Variants in ADCY8 observed in about 807,000 individuals in gnomAD.
ADCY8 encodes adenylate cyclase 8, also known as adenylate cyclase type 8.
In ADCY8, 51 loss-of-function variants were observed where a neutral mutation model predicts 119.7. That is an observed-to-expected ratio of 0.43 (90% confidence interval 0.34 to 0.54). The LOEUF is 0.54. Among genes scored for constraint, ADCY8 ranks in the 20% least tolerant of loss-of-function variants. The pLI, the probability that ADCY8 is intolerant of heterozygous loss-of-function variation, is 0.03. For synonymous variants in ADCY8, 665 were observed against 651.0 expected (o/e 1.02, Z -0.33); for missense variants, 1,383 against 1,598.8 (o/e 0.87, Z 2.30).
chr8:130,937,531 C>T lies in ADCY8; in HGVS notation c.1354-331G>A, dbSNP rs887705276. On this transcript the variant is annotated intron_variant, in intron 4 of 17. Coordinates refer to ENST00000286355, the MANE Select transcript of ADCY8 (RefSeq NM_001115.3). ...GCCTGACAGAGTGCTCATAGTATCTCCTACAAATTCAGCCCCAAGCAATGT... is the reference window on the plus strand; with the variant it reads ...GCCTGACAGAGTGCTCATAGTATCTTCTACAAATTCAGCCCCAAGCAATGT... Among the ~76,000 whole-genome samples the T allele has an allele frequency of 2.6e-5, 4 of 152,270 alleles. No homozygotes were observed. The East Asian group carries it at 7.7e-4, about 29-fold the overall frequency.
At chr8:131,015,617 A>G (rs770813149) in intron 1 of ADCY8, among the ~76,000 whole-genome samples, 3 of 152,236 alleles carry the variant, frequency 2.0e-5, no homozygotes, top group Non-Finnish European at 4.4e-5. Context: ...TAAACAATTC[A>G]TAGCTTTATC....
chr8:130,942,996 G>T (rs1586592035), intron 4 of ADCY8, among the ~76,000 whole-genome samples: 1 of 152,188 alleles, frequency 6.6e-6, no homozygotes, highest in Admixed American at 6.5e-5. Context: ...CTGGGAAACT[G>T]CAGGCCATCA....
intron 16 of ADCY8, among the ~76,000 whole-genome samples, chr8:130,784,390 A>C (rs1815186170): frequency 6.6e-6 from 1 of 152,186 alleles, no homozygotes; most frequent in Non-Finnish European, 1.5e-5. Flanking sequence ...TCAGTTTCCA[A>C]ATCTATAAAA....
At chr8:130,863,616 C>G (rs1414058538) in intron 9 of ADCY8, among the ~76,000 whole-genome samples, 1 of 152,026 alleles carries the variant, frequency 6.6e-6, no homozygotes, top group Non-Finnish European at 1.5e-5. Flanking sequence ...CCTAGCATAT[C>G]AATTATATTT....
chr8:130,807,517 T>G (rs1667478647), intron 14 of ADCY8, among the ~76,000 whole-genome samples: 1 of 152,144 alleles, frequency 6.6e-6, no homozygotes, highest in Non-Finnish European at 1.5e-5. Context: ...TTAAAGGGTA[T>G]GAGGGAGTGG....
At chr8:130,800,871 G>A (rs1815756010) in intron 14 of ADCY8, among the ~76,000 whole-genome samples, 1 of 152,204 alleles carries the variant, frequency 6.6e-6, no homozygotes, top group Admixed American at 6.5e-5. Flanking sequence ...TCACTTTCTG[G>A]TTCAGAGATG....
At chr8:130,968,777 A>C (rs575449076) in intron 2 of ADCY8, among the ~76,000 whole-genome samples, 1 of 152,314 alleles carries the variant, frequency 6.6e-6, no homozygotes, top group South Asian at 2.1e-4. Flanking sequence ...AAAATGATAA[A>C]CACTTGGGGA....
intron 1 of ADCY8, among the ~76,000 whole-genome samples, chr8:131,020,667 C>T (rs1255686267): frequency 1.3e-5 from 2 of 152,184 alleles, no homozygotes; most frequent in African/African-American, 4.8e-5. Flanking sequence ...GAATCATAAG[C>T]TGCAAATTAG....
intron 12 of ADCY8, among the ~76,000 whole-genome samples, chr8:130,832,911 CTT>C (rs1259151064): frequency 1.3e-5 from 2 of 152,212 alleles, no homozygotes; most frequent in Admixed American, 6.5e-5. Flanking sequence ...ATTCATATGA[CTT>C]TGCATATGCA....
At chr8:130,952,431 A>G (rs570629913) in intron 2 of ADCY8, among the ~76,000 whole-genome samples, 3 of 152,224 alleles carry the variant, frequency 2.0e-5, no homozygotes, top group Admixed American at 6.5e-5. Flanking sequence ...AAAATTTGGA[A>G]GGAGTCTGTC....
At chr8:130,950,140 G>A (rs1337309310) in intron 3 of ADCY8, among the ~76,000 whole-genome samples, 1 of 152,166 alleles carries the variant, frequency 6.6e-6, no homozygotes, top group Non-Finnish European at 1.5e-5. Context: ...TATGAGAATA[G>A]GTTTGTCACT....
chr8:130,916,827 T>C (rs1820144547), intron 5 of ADCY8, among the ~76,000 whole-genome samples: 2 of 152,254 alleles, frequency 1.3e-5, no homozygotes, highest in South Asian at 2.1e-4. Flanking sequence ...TGATTGCTGT[T>C]AATAAATATG....
At chr8:131,027,153 GC>G (rs1823847914) in intron 1 of ADCY8, among the ~76,000 whole-genome samples, 1 of 152,108 alleles carries the variant, frequency 6.6e-6, no homozygotes, top group African/African-American at 2.4e-5. Flanking sequence ...TTATCTCTCT[GC>G]CCCTCCTTTC....
chr8:130,844,196 A>C (rs1188626176), intron 11 of ADCY8, among the ~76,000 whole-genome samples: 1 of 152,198 alleles, frequency 6.6e-6, no homozygotes, highest in Non-Finnish European at 1.5e-5. Context: ...GAATCTCCTG[A>C]GAACCACATC....
At chr8:130,947,851 C>T (rs1363288571) in intron 3 of ADCY8, among the ~76,000 whole-genome samples, 1 of 152,200 alleles carries the variant, frequency 6.6e-6, no homozygotes, top group Non-Finnish European at 1.5e-5. Context: ...AGAAGGATGA[C>T]TGTCCACCAG....
chr8:131,038,632 T>A (rs368763731), intron 1 of ADCY8, among the ~76,000 whole-genome samples: 65 of 152,294 alleles, frequency 4.3e-4, no homozygotes, highest in African/African-American at 1.6e-3. Flanking sequence ...AGATTCCACC[T>A]AAATATAATA....
At position 130,808,707 on chromosome 8, in the gene ADCY8, C is replaced by T. The variant is rs1002128174; in HGVS notation, c.2913+5362G>A. ...ATTGGGGACTTAATGTGTTGTTATC[C>T]GATTTAGCTCTGACCCCAATTCAGC... On this transcript the variant is annotated intron_variant, in intron 14 of 17. Transcript: ENST00000286355. Among the ~76,000 whole-genome samples the T allele has an allele frequency of 9.2e-5, 14 of 152,124 alleles. No individual in the cohort carries two copies. The East Asian group carries it at 1.2e-3, about 13-fold the overall frequency.
intron 1 of ADCY8, 57 bp downstream of exon 1, chr8:131,039,317 T>G (rs538096024): frequency 1.3e-6 from 2 of 1,585,400 alleles, no homozygotes; most frequent in Non-Finnish European, 1.7e-6. Context: ...GGAAGCTATA[T>G]GATCAATAAC....
At chr8:130,962,843 G>A (rs1488882606) in intron 2 of ADCY8, among the ~76,000 whole-genome samples, 1 of 152,178 alleles carries the variant, frequency 6.6e-6, no homozygotes. Flanking sequence ...GCATTAACTG[G>A]AGCCAAGTTC....
Sources: allele counts gnomAD v4.1 joint callset (sites outside exome capture counted in the v4.1 genomes callset), GRCh38; gene constraint gnomAD v4.1.1; transcripts MANE v1.5; gene names NCBI Gene and HGNC (gene_info 2026-07-23, HGNC 2026-07-21).